Variants in MAML3 observed in about 807,000 individuals in gnomAD.
MAML3 encodes mastermind like transcriptional coactivator 3.
A neutral mutation model predicts 101.9 loss-of-function variants in MAML3; 27 were observed. The observed-to-expected ratio is 0.27, with a 90% CI of 0.20 to 0.37. The LOEUF (loss-of-function observed/expected upper bound fraction) is 0.37, where lower values mean the gene tolerates loss of function less well. MAML3 is among the 10% of genes least tolerant of loss of function. MAML3 has a pLI of 1.00. For missense variants in MAML3, 1,316 were observed against 1,444.9 expected (o/e 0.91, Z 1.45); for synonymous variants, 501 against 555.9 (o/e 0.90, Z 1.39).
chr4:140,005,275 T>C (rs1726425889), intron 1 of MAML3, among the ~76,000 whole-genome samples: 1 of 152,200 alleles, frequency 6.6e-6, no homozygotes, highest in Admixed American at 6.5e-5. Context: ...GAAAGAGAAA[T>C]GTGAATTTGA....
chr4:140,064,343 T>C (rs546597497), intron 1 of MAML3, among the ~76,000 whole-genome samples: 61 of 152,354 alleles, frequency 4.0e-4, no homozygotes, highest in Non-Finnish European at 7.3e-4. Flanking sequence ...AGCATTCTGA[T>C]ATAACACTCA....
chr4:139,930,011 T>C, intron 1 of MAML3, among the ~76,000 whole-genome samples: 1 of 152,202 alleles, frequency 6.6e-6, no homozygotes, highest in Non-Finnish European at 1.5e-5. Context: ...TCTCCCCGTT[T>C]GTACAGGTGA....
At chr4:139,801,353 CTGTT>C (rs984183151) in intron 2 of MAML3, among the ~76,000 whole-genome samples, 3 of 152,114 alleles carry the variant, frequency 2.0e-5, no homozygotes, top group African/African-American at 4.8e-5. Flanking sequence ...TTTCCTTTTT[CTGTT>C]TGTTTGTTTT....
intron 2 of MAML3, among the ~76,000 whole-genome samples, chr4:139,807,510 C>T (rs557378333): frequency 1.4e-4 from 21 of 152,310 alleles, no homozygotes; most frequent in African/African-American, 5.1e-4. Context: ...TGACAAATTA[C>T]ATCCAAGGCT....
intron 2 of MAML3, among the ~76,000 whole-genome samples, chr4:139,836,612 C>G (rs1011087783): frequency 2.0e-5 from 3 of 152,146 alleles, no homozygotes; most frequent in Admixed American, 2.0e-4. Context: ...AGGAGGTTAG[C>G]CAAGTGCTGG....
chr4:139,780,289 G>C (rs1730174866), intron 2 of MAML3, among the ~76,000 whole-genome samples: 1 of 152,116 alleles, frequency 6.6e-6, no homozygotes, highest in Non-Finnish European at 1.5e-5. Flanking sequence ...TTCCTTCTTT[G>C]TTCACAGATT....
intron 2 of MAML3, among the ~76,000 whole-genome samples, chr4:139,752,663 A>G (rs1251398253): frequency 6.6e-6 from 1 of 152,188 alleles, no homozygotes; most frequent in Non-Finnish European, 1.5e-5. Context: ...CCTTTACCAC[A>G]TAGCATTTAT....
chr4:139,988,537 G>A (rs1163814464), intron 1 of MAML3, among the ~76,000 whole-genome samples: 1 of 152,090 alleles, frequency 6.6e-6, no homozygotes, highest in Non-Finnish European at 1.5e-5. Context: ...GAGCTGGAGA[G>A]CACAGAAAAG....
intron 1 of MAML3, among the ~76,000 whole-genome samples, chr4:139,911,833 G>A (rs1010494541): frequency 2.0e-5 from 3 of 152,182 alleles, no homozygotes; most frequent in Non-Finnish European, 4.4e-5. Flanking sequence ...CTTGATCTTG[G>A]ATTTCCCAGC....
At chr4:140,092,773 C>G (rs568989177) in intron 1 of MAML3, among the ~76,000 whole-genome samples, 1 of 152,118 alleles carries the variant, frequency 6.6e-6, no homozygotes, top group African/African-American at 2.4e-5. Flanking sequence ...ATTCTCCTAT[C>G]GCAGAGGCTC....
At chr4:139,883,349 C>T (rs1732255641) in intron 2 of MAML3, among the ~76,000 whole-genome samples, 1 of 152,232 alleles carries the variant, frequency 6.6e-6, no homozygotes, top group African/African-American at 2.4e-5. Flanking sequence ...ACATGCCCCT[C>T]ACCCTGCCCA....
intron 1 of MAML3, among the ~76,000 whole-genome samples, chr4:140,052,660 G>A (rs1439264680): frequency 6.6e-6 from 1 of 150,952 alleles, no homozygotes; most frequent in Non-Finnish European, 1.5e-5. Context: ...TCAGCCTCCT[G>A]AGTAGCTGGG....
intron 1 of MAML3, among the ~76,000 whole-genome samples, chr4:140,129,901 G>A (rs536908714): frequency 1.1e-3 from 159 of 151,210 alleles, no homozygotes; most frequent in Middle Eastern, 3.4e-3. Flanking sequence ...GGAGGCAGAG[G>A]TTTCAGTGAG....
At chr4:139,884,376 T>C (rs542139791) in intron 2 of MAML3, among the ~76,000 whole-genome samples, 1 of 152,336 alleles carries the variant, frequency 6.6e-6, no homozygotes, top group South Asian at 2.1e-4. Flanking sequence ...CATATACTCA[T>C]TATGATGCAC....
chr4:139,986,353 A>G (rs2110817811), intron 1 of MAML3, among the ~76,000 whole-genome samples: 1 of 152,344 alleles, frequency 6.6e-6, no homozygotes, highest in East Asian at 1.9e-4. Flanking sequence ...AGGATAAAGC[A>G]TTTTGGAAGA....
chr4:140,127,003 C>G (rs1285202360), intron 1 of MAML3, among the ~76,000 whole-genome samples: 1 of 152,214 alleles, frequency 6.6e-6, no homozygotes, highest in African/African-American at 2.4e-5. Context: ...CGACCTCCCT[C>G]CACCCAGTCT....
rs1235674177 is a variant in MAML3 at position 140,153,157 on chromosome 4, G to T, written c.171C>A (p.Ser57=). 3 of 1,550,438 alleles carry T rather than the reference G, an allele frequency of 1.9e-6. No individual in the cohort carries two copies. The change falls in exon 1 of 5, where the codon TCC becomes TCA. Residue 57 remains serine (S), a synonymous_variant. Coordinates refer to ENST00000509479, the MANE Select transcript of MAML3 (RefSeq NM_018717.5). Reference sequence around the variant, plus strand: ...CCGCCGAACCGCCGCCGGGGCCCCCGGAGCCGCCGCATCCACCGGCTGCCG... The same window carrying T: ...CCGCCGAACCGCCGCCGGGGCCCCCTGAGCCGCCGCATCCACCGGCTGCCG... ...NHPAAGGCGG[S]GGPGGGSAAV...
At chr4:139,904,888 T>A (rs1732790927) in intron 1 of MAML3, among the ~76,000 whole-genome samples, 1 of 152,224 alleles carries the variant, frequency 6.6e-6, no homozygotes, top group African/African-American at 2.4e-5. Context: ...TGGTTGTGTA[T>A]CTAACCATAT....
chr4:139,787,659 C>T (rs573850275), intron 2 of MAML3, among the ~76,000 whole-genome samples: 1 of 152,302 alleles, frequency 6.6e-6, no homozygotes, highest in Non-Finnish European at 1.5e-5. Context: ...ATCCTATTGG[C>T]TTTTTAAATT....
Sources: allele counts gnomAD v4.1 joint callset (sites outside exome capture counted in the v4.1 genomes callset), GRCh38; gene constraint gnomAD v4.1.1; transcripts MANE v1.5; gene names NCBI Gene and HGNC (gene_info 2026-07-23, HGNC 2026-07-21).